Variants in BMPR1B observed in about 807,000 individuals in gnomAD.
The protein encoded by BMPR1B is bone morphogenetic protein receptor type 1B, also known as bone morphogenetic protein receptor type-1B.
In BMPR1B, 12 loss-of-function variants were observed where a neutral mutation model predicts 59.1. That is an observed-to-expected ratio of 0.20 (90% CI 0.13 to 0.33). The LOEUF (loss-of-function observed/expected upper bound fraction) is 0.33, where lower values mean the gene tolerates loss of function less well. BMPR1B is among the 10% of genes least tolerant of loss of function. The pLI is 1.00. For missense variants in BMPR1B, 550 were observed against 610.9 expected (o/e 0.90, Z 1.05); for synonymous variants, 237 against 207.3 (o/e 1.14, Z -1.23).
intron 3 of BMPR1B, among the ~76,000 whole-genome samples, chr4:95,054,897 A>T (rs1188566252): frequency 6.6e-6 from 1 of 152,130 alleles, no homozygotes; most frequent in Non-Finnish European, 1.5e-5. Context: ...AGATGGTGAA[A>T]TTTTCATTGG....
intron 1 of BMPR1B, among the ~76,000 whole-genome samples, chr4:94,798,101 A>G (rs868066286): frequency 6.6e-6 from 1 of 152,228 alleles, no homozygotes; most frequent in Non-Finnish European, 1.5e-5. Context: ...AATCTTATTT[A>G]TAGATGAAGT....
intron 1 of BMPR1B, among the ~76,000 whole-genome samples, chr4:94,833,743 T>C (rs949508436): frequency 6.6e-6 from 1 of 152,166 alleles, no homozygotes; most frequent in Non-Finnish European, 1.5e-5. Context: ...CAGAGCATAT[T>C]ATAGACCCAG....
At chr4:95,049,020 C>G (rs911538463) in intron 3 of BMPR1B, among the ~76,000 whole-genome samples, 3 of 152,160 alleles carry the variant, frequency 2.0e-5, no homozygotes, top group African/African-American at 7.2e-5. Flanking sequence ...AGAAGTTTGA[C>G]TAAGTGGAAA....
chr4:94,986,207 G>C (rs981838881), intron 2 of BMPR1B, among the ~76,000 whole-genome samples: 5 of 151,778 alleles, frequency 3.3e-5, no homozygotes. Context: ...TCTTTATTGG[G>C]TCATGAAAAA....
chr4:94,918,508 C>T (rs1266508548), intron 2 of BMPR1B, among the ~76,000 whole-genome samples: 2 of 152,052 alleles, frequency 1.3e-5, no homozygotes, highest in Non-Finnish European at 2.9e-5. Flanking sequence ...AAGGCCCTAT[C>T]TCTGCAAAAA....
intron 2 of BMPR1B, among the ~76,000 whole-genome samples, chr4:94,891,166 A>G (rs1341005229): frequency 1.3e-5 from 2 of 152,100 alleles, no homozygotes; most frequent in African/African-American, 4.8e-5. Flanking sequence ...TTTGTGTGGT[A>G]CATTAAACAC....
At chr4:94,860,116 C>G (rs1435753273) in intron 1 of BMPR1B, among the ~76,000 whole-genome samples, 1 of 152,162 alleles carries the variant, frequency 6.6e-6, no homozygotes, top group African/African-American at 2.4e-5. Context: ...CGTCCCTAAA[C>G]TGGGTGGAAT....
intron 8 of BMPR1B, among the ~76,000 whole-genome samples, chr4:95,129,559 C>G (rs1733155152): frequency 6.6e-6 from 1 of 152,120 alleles, no homozygotes; most frequent in Non-Finnish European, 1.5e-5. Context: ...TGCAAGTATT[C>G]TACTCTGCTG....
chr4:94,920,164 CT>C (rs1728635650), intron 2 of BMPR1B, among the ~76,000 whole-genome samples: 1 of 152,078 alleles, frequency 6.6e-6, no homozygotes, highest in Non-Finnish European at 1.5e-5. Flanking sequence ...ACTTTTTATA[CT>C]GGTTATGTGG....
At chr4:95,089,028 A>G (rs1365504731) in intron 3 of BMPR1B, among the ~76,000 whole-genome samples, 1 of 152,170 alleles carries the variant, frequency 6.6e-6, no homozygotes. Context: ...TTTTGACTGA[A>G]GTGGCCATTA....
At chr4:95,051,661 C>T (rs1363185386) in intron 3 of BMPR1B, 3 of 1,529,746 alleles carry the variant, frequency 2.0e-6, no homozygotes, top group Non-Finnish European at 2.6e-6. Flanking sequence ...AAACAGGAGG[C>T]TTAAACAGGC....
chr4:94,864,777 A>G (rs1461824352), intron 1 of BMPR1B, among the ~76,000 whole-genome samples: 1 of 152,102 alleles, frequency 6.6e-6, no homozygotes, highest in Non-Finnish European at 1.5e-5. Flanking sequence ...ATGACAAGGA[A>G]AAAAAGTCTG....
intron 3 of BMPR1B, among the ~76,000 whole-genome samples, chr4:95,060,761 C>T (rs994294854): frequency 6.6e-6 from 1 of 152,116 alleles, no homozygotes; most frequent in African/African-American, 2.4e-5. Context: ...CAGATTATTC[C>T]TAATGGAAAG....
intron 3 of BMPR1B, among the ~76,000 whole-genome samples, chr4:95,029,963 G>A (rs1469451531): frequency 3.6e-4 from 55 of 151,888 alleles, no homozygotes; most frequent in African/African-American, 1.2e-3. Flanking sequence ...TGATGGGGTT[G>A]TTTGTTTTTT....
rs10622489 is a variant in BMPR1B at position 95,114,645 on chromosome 4, G to GACAC, written c.144-54_144-51dup. On this transcript the variant is annotated intron_variant, in intron 4 of 12. Transcript: ENST00000515059. ...ACATCACTTATTTCCTTTTCCCCTA[G>GACAC]ACACACACACACACACACACACACT... 23,047 of 985,398 alleles carry GACAC rather than the reference G, an allele frequency of 0.023. 109 individuals are homozygous for GACAC. The highest frequency in any genetic ancestry group is 0.044 in the African/African-American group (2,744 of 62,948). The allele number at this position is 985,398 out of a possible 1,614,324, so 61.0% of individuals were successfully genotyped here.
chr4:95,120,684 TTTC>T (rs1732438270), intron 6 of BMPR1B, among the ~76,000 whole-genome samples: 3 of 124,204 alleles, frequency 2.4e-5, no homozygotes, highest in African/African-American at 9.4e-5. Flanking sequence ...TTTTCTTTTC[TTTC>T]TTTCTTTCTC....
At chr4:94,763,582 A>G (rs908087080) in intron 1 of BMPR1B, among the ~76,000 whole-genome samples, 1 of 152,234 alleles carries the variant, frequency 6.6e-6, no homozygotes, top group African/African-American at 2.4e-5. Flanking sequence ...AAAAGATACA[A>G]TCCAGTATAT....
chr4:95,116,583 A>G (rs1732081980), intron 6 of BMPR1B, among the ~76,000 whole-genome samples: 1 of 151,678 alleles, frequency 6.6e-6, no homozygotes, highest in Non-Finnish European at 1.5e-5. Context: ...AACATAATGG[A>G]ATTTCATGAC....
At chr4:94,811,686 C>T (rs186304889) in intron 1 of BMPR1B, among the ~76,000 whole-genome samples, 78 of 152,164 alleles carry the variant, frequency 5.1e-4, no homozygotes, top group Admixed American at 5.0e-3. Context: ...TGCTAAGCTT[C>T]GATACCTTGG....
Sources: allele counts gnomAD v4.1 joint callset (sites outside exome capture counted in the v4.1 genomes callset), GRCh38; gene constraint gnomAD v4.1.1; transcripts MANE v1.5; gene names NCBI Gene and HGNC (gene_info 2026-07-23, HGNC 2026-07-21).